The following FMN1 variants were observed in gnomAD, a reference collection of about 807,000 sequenced individuals.
FMN1 encodes the protein formin-1.
In FMN1, 110 loss-of-function variants were observed where a neutral mutation model predicts 132.4. That is an observed-to-expected ratio of 0.83 (90% CI 0.71 to 0.97). The LOEUF is 0.97. Ranked by LOEUF, FMN1 falls within the 50% of genes least tolerant of loss-of-function variation. The probability of loss-of-function intolerance (pLI) is 0.00; values close to 1 mark genes in which losing one functional copy is unlikely to be tolerated. For missense variants in FMN1, 1,792 were observed against 1,705.3 expected (o/e 1.05, Z -0.90); for synonymous variants, 722 against 651.7 (o/e 1.11, Z -1.64).
At chr15:32,841,267 CT>C (rs2058740363) in intron 17 of FMN1, among the ~76,000 whole-genome samples, 2 of 152,130 alleles carry the variant, frequency 1.3e-5, no homozygotes, top group Admixed American at 6.5e-5. Flanking sequence ...GTGTTTTAAT[CT>C]CAGAGTATAT....
At chr15:33,102,717 A>G (rs2039340788) in intron 4 of FMN1, among the ~76,000 whole-genome samples, 1 of 152,100 alleles carries the variant, frequency 6.6e-6, no homozygotes, top group Non-Finnish European at 1.5e-5. Flanking sequence ...CTGCTTTTTA[A>G]TCCTTTCATA....
intron 6 of FMN1, among the ~76,000 whole-genome samples, chr15:33,061,942 G>C (rs1352089345): frequency 6.6e-6 from 1 of 151,760 alleles, no homozygotes; most frequent in Non-Finnish European, 1.5e-5. Flanking sequence ...TGAAAACATT[G>C]GTAAACTTAG....
In FMN1 at chr15:32,888,197, C is replaced by A. The variant is rs1369943361; in HGVS notation, c.3810G>T (p.Leu1270Phe). 6.2e-7 allele frequency: 1 copy of A among 1,611,536 alleles called. No individual in the cohort carries two copies. Among genetic ancestry groups the A allele is most frequent in the East Asian group, 2.2e-5 (1 of 44,852 alleles). Residue 1270 changes from leucine (L) to phenylalanine (F), a missense_variant, in exon 16 of 21, where the codon TTG becomes TTT. Physicochemically the swap from Leu to Phe is conservative, Grantham distance 22 (BLOSUM62 0). Transcript: ENST00000616417. Reference sequence around the variant, plus strand: ...CTTCTAGTTGCCTCTTCAGTTTTCTCAAATCTTTTATGAGGTCTTCAAACT... The same window carrying A: ...CTTCTAGTTGCCTCTTCAGTTTTCTAAAATCTTTTATGAGGTCTTCAAACT... The part of the protein sequence containing the change: ...QVKFEDLIKD[L>F]RKLKRQLEAS...
intron 6 of FMN1, among the ~76,000 whole-genome samples, chr15:33,017,286 A>G (rs1188126672): frequency 6.6e-6 from 1 of 152,176 alleles, no homozygotes; most frequent in Non-Finnish European, 1.5e-5. Context: ...TTCAGTACAG[A>G]GCCAATTCTA....
chr15:33,029,459 T>C lies in FMN1; in HGVS notation c.2162-21384A>G, dbSNP rs187361547. Among the ~76,000 whole-genome samples the C allele has an allele frequency of 1.7e-4, 26 of 151,984 alleles. No homozygotes were observed. The Middle Eastern group carries it at 0.01, about 60-fold the overall frequency. On this transcript the variant is annotated intron_variant, in intron 6 of 20. Transcript: ENST00000616417. ...AATAGCAGCTGTTGAGAGTCGCGTG[T>C]AGACTAGGAACACACGCTAGGGATG...
chr15:32,896,526 T>C (rs1596212288), intron 15 of FMN1, among the ~76,000 whole-genome samples: 1 of 152,156 alleles, frequency 6.6e-6, no homozygotes, highest in Admixed American at 6.5e-5. Flanking sequence ...TACAGATCTC[T>C]AGAACTTCTT....
At chr15:33,111,563 T>G (rs2039705944) in intron 4 of FMN1, among the ~76,000 whole-genome samples, 1 of 152,110 alleles carries the variant, frequency 6.6e-6, no homozygotes, top group Admixed American at 6.5e-5. Context: ...AGCCAAAAGG[T>G]GGAAATAACT....
rs140194179 is a variant in FMN1, at chr15:33,092,023, A to G, written c.1868-3049T>C. Among the ~76,000 whole-genome samples the G allele has an allele frequency of 2.2e-3, 329 of 152,336 alleles. 5 individuals carry two copies. Among genetic ancestry groups the G allele is most frequent in the East Asian group, 0.017 (86 of 5,176 alleles). Reference sequence around the variant, plus strand: ...CAGTATTAGTTATTTTGTTCCTCAAAGACATTTCAACAGTTTGATCGATCA... The same window carrying G: ...CAGTATTAGTTATTTTGTTCCTCAAGGACATTTCAACAGTTTGATCGATCA... On this transcript the variant is annotated intron_variant, in intron 4 of 20. Transcript: ENST00000616417.
chr15:33,115,523 C>T (rs2039890743), intron 4 of FMN1, among the ~76,000 whole-genome samples: 1 of 150,578 alleles, frequency 6.6e-6, no homozygotes, highest in African/African-American at 2.5e-5. Context: ...CGCACACACA[C>T]AAACTTGCTG....
chr15:32,900,378 G>A, intron 13 of FMN1: 2 of 603,670 alleles, frequency 3.3e-6, no homozygotes, highest in Non-Finnish European at 5.9e-6. Context: ...ATTAACTATT[G>A]GTTTTATATT....
At chr15:32,967,384 C>T (rs1483823217) in intron 8 of FMN1, among the ~76,000 whole-genome samples, 4 of 152,008 alleles carry the variant, frequency 2.6e-5, no homozygotes, top group Admixed American at 6.6e-5. Flanking sequence ...CGGACACACT[C>T]GTCCAGGGCT....
chr15:33,089,808 C>A (rs1347946499), intron 4 of FMN1, among the ~76,000 whole-genome samples: 1 of 152,190 alleles, frequency 6.6e-6, no homozygotes, highest in African/African-American at 2.4e-5. Context: ...CTCTGCCTGA[C>A]ATTCTATTCT....
intron 2 of FMN1, among the ~76,000 whole-genome samples, chr15:33,185,568 A>ATTTTTTTTTTTTTGTT (rs1965853208): frequency 8.8e-6 from 1 of 113,444 alleles, no homozygotes; most frequent in African/African-American, 4.2e-5. Flanking sequence ...TAAAGTAAGA[A>ATTTTTTTTTTTTTGTT]TTTTTTTTTT....
chr15:32,993,805 A>G (rs1352859191), intron 7 of FMN1, among the ~76,000 whole-genome samples: 2 of 149,196 alleles, frequency 1.3e-5, no homozygotes, highest in East Asian at 4.1e-4. Flanking sequence ...CCTGTCTTAG[A>G]GCCACTACAA....
chr15:32,777,512 C>G (rs931685440), intron 19 of FMN1, among the ~76,000 whole-genome samples: 1 of 85,030 alleles, frequency 1.2e-5, no homozygotes, highest in African/African-American at 3.5e-5. Flanking sequence ...ACATATAACA[C>G]ATTTATATAT....
At chr15:33,009,452 T>G (rs1335105077) in intron 6 of FMN1, among the ~76,000 whole-genome samples, 1 of 152,144 alleles carries the variant, frequency 6.6e-6, no homozygotes, top group Non-Finnish European at 1.5e-5. Flanking sequence ...TTCCTACATA[T>G]CTCTCCCTAT....
intron 16 of FMN1, among the ~76,000 whole-genome samples, chr15:32,886,584 C>T (rs542378774): frequency 4.6e-5 from 7 of 152,242 alleles, no homozygotes; most frequent in African/African-American, 1.4e-4. Context: ...CGTACAGGGA[C>T]GTCAAAGTGA....
At chr15:33,044,621 C>A (rs1205448555) in intron 6 of FMN1, among the ~76,000 whole-genome samples, 2 of 152,146 alleles carry the variant, frequency 1.3e-5, no homozygotes, top group Non-Finnish European at 2.9e-5. Flanking sequence ...CTGCTGAGAG[C>A]TGAAAAGGGA....
Position 32,833,637 on chromosome 15 carries a change from A to G in FMN1, c.3928+23378T>C, listed in dbSNP as rs988621128. ...GTTAAAAGGGTTAACAAGTCTGAAC[A>G]CTTCTCTGAAACCTGATGAGATATC... is the stretch of plus-strand genomic sequence containing the variant. On this transcript the variant is annotated intron_variant, in intron 17 of 20. Coordinates refer to ENST00000616417, the MANE Select transcript of FMN1 (RefSeq NM_001277313.2). Among the ~76,000 whole-genome samples, 5 of 152,196 alleles carry G rather than the reference A, an allele frequency of 3.3e-5. No individual in the cohort carries two copies. In the South Asian group the frequency reaches 6.2e-4, roughly 19 times the overall value.
Sources: gnomAD v4.1 joint callset for allele counts (sites outside exome capture counted in the v4.1 genomes callset) on GRCh38, gnomAD v4.1.1 for gene constraint, MANE v1.5 for transcripts, NCBI Gene and HGNC (gene_info 2026-07-23, HGNC 2026-07-21) for gene names.